CTPS2: variants seen among roughly 807,000 people sequenced by gnomAD.
CTPS2 encodes the protein CTP synthase 2, also known as CTP synthase II.
Under a neutral mutation model 46.8 loss-of-function variants are expected in CTPS2, and 19 were observed. The ratio of observed to expected loss-of-function variants is 0.41; its 90% CI spans 0.28 to 0.60. The LOEUF (loss-of-function observed/expected upper bound fraction) is 0.60. Among genes scored for constraint, CTPS2 ranks in the 20% least tolerant of loss-of-function variants. The pLI, the probability that CTPS2 is intolerant of heterozygous loss-of-function variation, is 0.35. For synonymous variants in CTPS2, 151 were observed against 165.2 expected (o/e 0.91, Z 0.66); for missense variants, 286 against 447.6 (o/e 0.64, Z 3.26).
chrX:16,704,667 G>A (rs746163563), intron 1 of CTPS2, among the ~76,000 whole-genome samples: 1 of 111,399 alleles, frequency 9.0e-6, no homozygotes, highest in Non-Finnish European at 1.9e-5. Flanking sequence ...CAGACTTTCC[G>A]CCGGGCACGG....
intron 13 of CTPS2, among the ~76,000 whole-genome samples, chrX:16,651,896 C>T (rs1363239461): frequency 1.8e-5 from 2 of 111,012 alleles, no homozygotes; most frequent in African/African-American, 6.6e-5. Context: ...GGTAAGGCAA[C>T]TTACTCCAGG....
At chrX:16,687,853 CTTA>C (rs1923362575) in intron 8 of CTPS2, among the ~76,000 whole-genome samples, 1 of 111,682 alleles carries the variant, frequency 9.0e-6, no homozygotes. Context: ...GCAACCGATA[CTTA>C]TTATAGTACG....
chrX:16,675,782 G>T (rs1922219685), intron 10 of CTPS2, among the ~76,000 whole-genome samples: 1 of 112,077 alleles, frequency 8.9e-6, no homozygotes, highest in South Asian at 3.7e-4. Context: ...TTTGGAGATT[G>T]TGACAGCAGA....
intron 1 of CTPS2, 131 bp downstream of exon 1, chrX:16,712,204 G>C (rs1311274671): frequency 8.9e-6 from 1 of 112,415 alleles, no homozygotes; most frequent in Admixed American, 9.3e-5. Flanking sequence ...CGCCATCAGA[G>C]AGCGGACAAA....
At chrX:16,686,938 G>A (rs1293893042) in intron 8 of CTPS2, among the ~76,000 whole-genome samples, 1 of 110,279 alleles carries the variant, frequency 9.1e-6, no homozygotes, top group African/African-American at 3.3e-5. Flanking sequence ...ATAAAAGATG[G>A]AGGACAAGAT....
At chrX:16,694,624 C>T (rs375654934) in intron 4 of CTPS2, among the ~76,000 whole-genome samples, 39 of 112,638 alleles carry the variant, frequency 3.5e-4, no homozygotes, top group African/African-American at 1.0e-3. Flanking sequence ...GTTTAGTAGT[C>T]GGGCCAGGAC....
At chrX:16,679,645 G>A (rs1397895678) in intron 9 of CTPS2, among the ~76,000 whole-genome samples, 1 of 111,559 alleles carries the variant, frequency 9.0e-6, no homozygotes, top group African/African-American at 3.3e-5. Context: ...AATGGTATTA[G>A]GAGGTAGGTG....
At chrX:16,704,234 G>A (rs1011765279) in intron 1 of CTPS2, among the ~76,000 whole-genome samples, 4 of 111,619 alleles carry the variant, frequency 3.6e-5, no homozygotes, top group South Asian at 3.7e-4. Flanking sequence ...TACCACGCCC[G>A]GCCTTGGGCA....
chrX:16,630,479 C>T lies in CTPS2; in HGVS notation c.1393+8668G>A, dbSNP rs1337082885. Reference sequence around the variant, plus strand: ...AGGTAAGTCAGGCTGGTCTCAAACTCCCAACCTCAGGTGATCCGCCCACCT... The same window carrying T: ...AGGTAAGTCAGGCTGGTCTCAAACTTCCAACCTCAGGTGATCCGCCCACCT... On this transcript the variant is annotated intron_variant, in intron 14 of 18. Coordinates refer to ENST00000359276, the MANE Select transcript of CTPS2 (RefSeq NM_175859.3). Among the ~76,000 whole-genome samples the T allele has an allele frequency of 1.2e-4, 13 of 110,120 alleles. No individual in the cohort carries two copies. In the Admixed American group the frequency reaches 1.3e-3, roughly 11 times the overall value.
intron 8 of CTPS2, among the ~76,000 whole-genome samples, chrX:16,684,590 A>T (rs1248009346): frequency 9.0e-6 from 1 of 111,028 alleles, no homozygotes; most frequent in Non-Finnish European, 1.9e-5. Flanking sequence ...CAAACAGGCT[A>T]TGTGTGGGAA....
intron 17 of CTPS2, among the ~76,000 whole-genome samples, chrX:16,596,434 T>A (rs1311006811): frequency 1.9e-5 from 2 of 105,614 alleles, no homozygotes; most frequent in African/African-American, 7.0e-5. Context: ...TGAGTGAGAA[T>A]ATGTGGTGTT....
intron 13 of CTPS2, among the ~76,000 whole-genome samples, chrX:16,666,153 G>A (rs1921160251): frequency 8.9e-6 from 1 of 112,273 alleles, no homozygotes; most frequent in Non-Finnish European, 1.9e-5. Context: ...AGCTCCATTA[G>A]AAGTAGGTGC....
chrX:16,703,048 TA>T, intron 1 of CTPS2, 107 bp from the exon 2 acceptor site: 1 of 491,888 alleles, frequency 2.0e-6, no homozygotes, highest in Non-Finnish European at 3.2e-6. Context: ...TTTTTAGACA[TA>T]GTCTTACTGT....
chrX:16,614,934 T>C (rs931331614), intron 16 of CTPS2, among the ~76,000 whole-genome samples: 2 of 112,456 alleles, frequency 1.8e-5, no homozygotes, highest in African/African-American at 6.5e-5. Flanking sequence ...CCCAGCACTT[T>C]GGGAGGCCAA....
chrX:16,622,673 G>A (rs1930907383), intron 14 of CTPS2, among the ~76,000 whole-genome samples: 1 of 111,496 alleles, frequency 9.0e-6, no homozygotes, highest in Admixed American at 9.6e-5. Flanking sequence ...TTCGAGTCAA[G>A]GGGACTAGCA....
intron 13 of CTPS2, among the ~76,000 whole-genome samples, chrX:16,641,704 C>G: frequency 8.9e-6 from 1 of 112,264 alleles, no homozygotes; most frequent in Non-Finnish European, 1.9e-5. Flanking sequence ...CCACTGCACT[C>G]CAGCCTGGAT....
chrX:16,635,000 G>A lies in CTPS2; in HGVS notation c.1393+4147C>T, dbSNP rs140775778. On this transcript the variant is annotated intron_variant, in intron 14 of 18. Transcript: ENST00000359276. ...CTCACTCTAGTCATCCATCCACTGC[G>A]GCTATCAATATCTTTAGGCTGTGAC... Among the ~76,000 whole-genome samples, 494 of 109,150 alleles carry A rather than the reference G, an allele frequency of 4.5e-3. 1 individual carries two copies. Among genetic ancestry groups the A allele is most frequent in the Non-Finnish European group, 6.9e-3 (365 of 52,587 alleles). The allele number at this position is 109,150 out of a possible 115,157, so 94.8% of individuals were successfully genotyped here.
intron 13 of CTPS2, among the ~76,000 whole-genome samples, chrX:16,640,871 G>A (rs1434281781): frequency 9.0e-6 from 1 of 111,445 alleles, no homozygotes; most frequent in Non-Finnish European, 1.9e-5. Flanking sequence ...CCAACAAAAT[G>A]TCTGATCTTA....
chrX:16,657,385 A>C (rs1426393026), intron 13 of CTPS2, among the ~76,000 whole-genome samples: 1 of 109,593 alleles, frequency 9.1e-6, no homozygotes, highest in East Asian at 2.9e-4. Context: ...GTTTGAGCTC[A>C]GAGAGAGAGA....
Sources: allele counts gnomAD v4.1 joint callset (sites outside exome capture counted in the v4.1 genomes callset), GRCh38; gene constraint gnomAD v4.1.1; transcripts MANE v1.5; gene names NCBI Gene and HGNC (gene_info 2026-07-23, HGNC 2026-07-21).